Variants in CSMD1 observed in about 807,000 individuals in gnomAD.
CSMD1 encodes CUB and sushi domain-containing protein 1.
A neutral mutation model predicts 417.5 loss-of-function variants in CSMD1; 213 were observed. The observed-to-expected ratio is 0.51, with a 90% CI of 0.46 to 0.57. The LOEUF (loss-of-function observed/expected upper bound fraction) is 0.57, where lower values mean the gene tolerates loss of function less well. CSMD1 is among the 20% of genes least tolerant of loss of function. The pLI is 0.00. For missense variants in CSMD1, 6,923 were observed against 4,529.7 expected (o/e 1.53, Z -15.17); for synonymous variants, 2,862 against 1,736.8 (o/e 1.65, Z -16.11).
intron 3 of CSMD1, among the ~76,000 whole-genome samples, chr8:4,210,863 G>C (rs535266619): frequency 6.6e-6 from 1 of 152,122 alleles, no homozygotes; most frequent in African/African-American, 2.4e-5. Context: ...TTTCACAGCA[G>C]TGTTGTCTTC....
chr8:3,778,052 G>C (rs546060295), intron 5 of CSMD1, among the ~76,000 whole-genome samples: 1 of 152,240 alleles, frequency 6.6e-6, no homozygotes, highest in Non-Finnish European at 1.5e-5. Flanking sequence ...TTAACAGGCT[G>C]TCCACGTCCC....
At chr8:4,843,693 C>T (rs181919193) in intron 1 of CSMD1, among the ~76,000 whole-genome samples, 2 of 152,238 alleles carry the variant, frequency 1.3e-5, no homozygotes, top group East Asian at 3.9e-4. Context: ...TGTGTTTTAT[C>T]TACTCTTCCA....
At chr8:4,187,366 G>C (rs749601000) in intron 3 of CSMD1, among the ~76,000 whole-genome samples, 1 of 152,130 alleles carries the variant, frequency 6.6e-6, no homozygotes, top group Admixed American at 6.5e-5. Flanking sequence ...TAGCATTTGG[G>C]CCAGGCACGG....
chr8:4,068,482 T>A (rs1037750511), intron 3 of CSMD1, among the ~76,000 whole-genome samples: 1 of 152,190 alleles, frequency 6.6e-6, no homozygotes, highest in South Asian at 2.1e-4. Context: ...CCATAACACA[T>A]AGCATCATTA....
At chr8:3,916,427 G>C (rs955391228) in intron 5 of CSMD1, among the ~76,000 whole-genome samples, 10 of 152,098 alleles carry the variant, frequency 6.6e-5, no homozygotes, top group African/African-American at 2.4e-4. Context: ...CTTAACAAAT[G>C]ACAAAACACT....
At chr8:3,666,854 A>C (rs1292000672) in intron 7 of CSMD1, among the ~76,000 whole-genome samples, 1 of 152,120 alleles carries the variant, frequency 6.6e-6, no homozygotes, top group Non-Finnish European at 1.5e-5. Flanking sequence ...TTTACAAATT[A>C]CTCAGTCTCA....
intron 3 of CSMD1, among the ~76,000 whole-genome samples, chr8:4,289,074 A>G (rs1456924144): frequency 6.6e-6 from 1 of 152,212 alleles, no homozygotes; most frequent in Non-Finnish European, 1.5e-5. Context: ...ATGGATGAAA[A>G]TAAAATTATA....
At chr8:3,451,968 T>A (rs919917376) in intron 12 of CSMD1, among the ~76,000 whole-genome samples, 3 of 150,678 alleles carry the variant, frequency 2.0e-5, no homozygotes, top group African/African-American at 4.9e-5. Flanking sequence ...TTCTTCCATT[T>A]GTTTGTCTCC....
intron 2 of CSMD1, among the ~76,000 whole-genome samples, chr8:4,602,331 A>C (rs977966845): frequency 6.6e-6 from 1 of 152,164 alleles, no homozygotes; most frequent in African/African-American, 2.4e-5. Context: ...AAGCCAAACC[A>C]AATAGCAGAT....
intron 5 of CSMD1, among the ~76,000 whole-genome samples, chr8:3,794,423 T>C (rs1468528965): frequency 6.6e-6 from 1 of 152,186 alleles, no homozygotes; most frequent in Non-Finnish European, 1.5e-5. Context: ...TGTACCTTTG[T>C]TAAATGTAGT....
chr8:3,605,773 G>C (rs1393742531), intron 8 of CSMD1, among the ~76,000 whole-genome samples: 1 of 152,144 alleles, frequency 6.6e-6, no homozygotes, highest in Admixed American at 6.6e-5. Flanking sequence ...CAGTTTTTAA[G>C]TCATAAATAG....
chr8:3,241,249 A>T lies in CSMD1; in HGVS notation c.4154-11018T>A, dbSNP rs553919829. ...GGAGTGCTTAAAAGAGTATTGTCTA[A>T]GCTGGCACCAGAGTTGGGGAGTTTT... is the stretch of plus-strand genomic sequence containing the variant. On this transcript the variant is annotated intron_variant, in intron 26 of 69. Transcript: ENST00000635120. Among the ~76,000 whole-genome samples, 29 of 150,384 alleles carry T rather than the reference A, an allele frequency of 1.9e-4. No homozygotes were observed. The South Asian group carries it at 5.7e-3, about 29-fold the overall frequency.
At chr8:4,466,444 TATATATA>T (rs367935030) in intron 2 of CSMD1, among the ~76,000 whole-genome samples, 1 of 151,946 alleles carries the variant, frequency 6.6e-6, no homozygotes, top group Admixed American at 6.6e-5. Flanking sequence ...CAAATGAGTA[TATATATA>T]CTCAATATAT....
chr8:3,398,989 A>C (rs1376540251), intron 16 of CSMD1, among the ~76,000 whole-genome samples: 1 of 152,168 alleles, frequency 6.6e-6, no homozygotes, highest in Non-Finnish European at 1.5e-5. Context: ...TCGAGTGACC[A>C]GCAGCCACCA....
intron 3 of CSMD1, among the ~76,000 whole-genome samples, chr8:4,158,774 A>G (rs1321965492): frequency 1.3e-5 from 2 of 152,152 alleles, no homozygotes; most frequent in Non-Finnish European, 2.9e-5. Context: ...TGAACACTGA[A>G]GTGTTGGGAT....
At chr8:4,254,232 A>C (rs974244599) in intron 3 of CSMD1, among the ~76,000 whole-genome samples, 1 of 151,966 alleles carries the variant, frequency 6.6e-6, no homozygotes, top group Non-Finnish European at 1.5e-5. Flanking sequence ...TTTTATCTTT[A>C]GCTTTCCCTC....
chr8:4,221,665 G>C (rs1021768824), intron 3 of CSMD1, among the ~76,000 whole-genome samples: 1 of 152,138 alleles, frequency 6.6e-6, no homozygotes, highest in African/African-American at 2.4e-5. Context: ...TACTTGACAG[G>C]AGAGGCACTG....
chr8:4,431,411 G>GA (rs1336585532), intron 2 of CSMD1, among the ~76,000 whole-genome samples: 5 of 152,140 alleles, frequency 3.3e-5, no homozygotes, highest in African/African-American at 1.2e-4. Flanking sequence ...AACTTAGATT[G>GA]AAGGAGGAAC....
intron 5 of CSMD1, among the ~76,000 whole-genome samples, chr8:3,828,316 T>G (rs904107025): frequency 1.3e-5 from 2 of 152,204 alleles, no homozygotes; most frequent in African/African-American, 2.4e-5. Context: ...CTGTCTCAGC[T>G]TTCACTTAAG....
Sources: gnomAD v4.1 joint callset for allele counts (sites outside exome capture counted in the v4.1 genomes callset) on GRCh38, gnomAD v4.1.1 for gene constraint, MANE v1.5 for transcripts, NCBI Gene and HGNC (gene_info 2026-07-23, HGNC 2026-07-21) for gene names.